The following XKR5 variants were observed in gnomAD, a reference collection of about 807,000 sequenced individuals.
XKR5 encodes XK related 5.
A neutral mutation model predicts 40.8 loss-of-function variants in XKR5; 46 were observed. That is an observed-to-expected ratio of 1.13 (90% CI 0.89 to 1.44). XKR5 has a LOEUF of 1.44. XKR5 is among the 40% of genes most tolerant of loss of function. The pLI is 0.00. For synonymous variants in XKR5, 466 were observed against 356.1 expected, an observed-to-expected ratio of 1.31 and a Z score of -3.48; for missense variants, 1,169 against 844.7, an observed-to-expected ratio of 1.38 and a Z score of -4.76.
intron 4 of XKR5, 105 bp downstream of exon 4, chr8:6,823,416 C>G: frequency 3.2e-6 from 4 of 1,244,906 alleles, no homozygotes; most frequent in Non-Finnish European, 4.6e-6. Flanking sequence ...CCCAGTCAGC[C>G]TTCAGGCCTG....
At position 6,821,892 on chromosome 8, in the gene XKR5, T is replaced by C; in HGVS notation, c.784A>G (p.Asn262Asp). Residue 262 changes from asparagine (N) to aspartate (D), a missense_variant, in exon 5 of 7, where the codon AAT (asparagine) becomes GAT (aspartate). Coordinates refer to ENST00000618742, the MANE Select transcript of XKR5 (RefSeq NM_207411.5). ...GCCATGTAGAACGTGACCATCCTAT[T>C]TCTAGAAGGGCTGTCCCAGAAGCTG... is the stretch of plus-strand genomic sequence containing the variant. ...YLSFWDSPSR[N>D]RMVTFYMVML... 6.2e-7 allele frequency: 1 copy of C among 1,613,396 alleles called. No homozygotes were observed. The highest frequency in any genetic ancestry group is 8.5e-7 in the Non-Finnish European group (1 of 1,179,696).
intron 5 of XKR5, among the ~76,000 whole-genome samples, chr8:6,816,996 C>T (rs1217368682): frequency 2.0e-5 from 3 of 152,166 alleles, no homozygotes; most frequent in African/African-American, 7.2e-5. Flanking sequence ...ATGCCTTGGC[C>T]AGCAGCCAGT....
chr8:6,822,046 G>T lies in XKR5; in HGVS notation c.638-8C>A, dbSNP rs1183755095. ...TCACCAGCCAGTGGGCACCTGCAGA[G>T]AAGCCGGGTGCAGACGTCAGGGTCC... On this transcript the variant is annotated splice_region_variant and splice_polypyrimidine_tract_variant and intron_variant, in intron 4 of 6. Transcript: ENST00000618742. 1 of 1,600,276 alleles carries T rather than the reference G, an allele frequency of 6.2e-7. No individual in the cohort carries two copies.
At chr8:6,826,601 A>G (rs997506035) in intron 2 of XKR5, among the ~76,000 whole-genome samples, 4 of 152,130 alleles carry the variant, frequency 2.6e-5, no homozygotes, top group Non-Finnish European at 4.4e-5. Context: ...CCAGGTGAGG[A>G]GTGCTGGATT....
Position 6,823,566 on chromosome 8 carries a change from C to CCAGACT in XKR5, c.586_591dup (p.Ser196_Leu197dup). 1 of 1,596,792 alleles carries CCAGACT rather than the reference C, an allele frequency of 6.3e-7. No individual in the cohort carries two copies. On this transcript the variant is annotated inframe_insertion, in exon 4 of 7. Coordinates refer to ENST00000618742, the MANE Select transcript of XKR5 (RefSeq NM_207411.5). ...AAGTGGTAGGCTTTGTAGAACAGAA[C>CCAGACT]CAGACTCAGCACGCGGGTTCCCAAC...
chr8:6,818,854 T>A (rs1487145288), intron 5 of XKR5, among the ~76,000 whole-genome samples: 1 of 152,184 alleles, frequency 6.6e-6, no homozygotes, highest in Non-Finnish European at 1.5e-5. Flanking sequence ...TGCCAGGCGG[T>A]GGCCTGTTGG....
At chr8:6,819,453 G>C (rs891701017) in intron 5 of XKR5, among the ~76,000 whole-genome samples, 2 of 152,228 alleles carry the variant, frequency 1.3e-5, no homozygotes, top group Non-Finnish European at 2.9e-5. Context: ...AGAGGCACTG[G>C]TTTCAGGTGC....
intron 5 of XKR5, among the ~76,000 whole-genome samples, chr8:6,819,777 T>C (rs1464543447): frequency 6.6e-6 from 1 of 152,188 alleles, no homozygotes; most frequent in African/African-American, 2.4e-5. Flanking sequence ...ATTTCACCTC[T>C]TTATGGTGAT....
chr8:6,828,190 T>C (rs954545947), intron 2 of XKR5, among the ~76,000 whole-genome samples: 9 of 152,112 alleles, frequency 5.9e-5, no homozygotes, highest in Non-Finnish European at 8.8e-5. Flanking sequence ...AGTATCAACA[T>C]GAGTGGCTTG....
At position 6,822,719 on chromosome 8, in the gene XKR5, G is replaced by A. The variant is rs112126802; in HGVS notation, c.638-681C>T. Among the ~76,000 whole-genome samples, 421 of 152,282 alleles carry A rather than the reference G, an allele frequency of 2.8e-3. 1 individual carries two copies. Among genetic ancestry groups the A allele is most frequent in the Non-Finnish European group, 3.9e-3 (262 of 68,020 alleles). On this transcript the variant is annotated intron_variant, in intron 4 of 6. Transcript: ENST00000618742. ...TGACCAGAGATGACAGCTCTCCTCG[G>A]CAGGGACACACAGGCCCTATTCAGG...
At chr8:6,828,929 C>T (rs895339860) in intron 2 of XKR5, among the ~76,000 whole-genome samples, 1 of 152,172 alleles carries the variant, frequency 6.6e-6, no homozygotes, top group Non-Finnish European at 1.5e-5. Context: ...TCTCAAGAAC[C>T]TCATCCTAAT....
intron 5 of XKR5, among the ~76,000 whole-genome samples, chr8:6,817,374 G>A (rs1436039916): frequency 6.6e-6 from 1 of 151,928 alleles, no homozygotes; most frequent in Non-Finnish European, 1.5e-5. Context: ...CTTCCCAAAC[G>A]ACATTCCACT....
Position 6,825,258 on chromosome 8 carries a change from G to A in XKR5, c.334C>T (p.Leu112Phe), listed in dbSNP as rs1033032051. The A allele has an allele frequency of 6.2e-7, 1 of 1,612,300 alleles. No individual in the cohort carries two copies. Among genetic ancestry groups the A allele is most frequent in the Non-Finnish European group, 8.5e-7 (1 of 1,179,368 alleles). ...LQLQEADLSA[L>F]RLLEALLQTG... is the part of the protein sequence containing the mutation. The stretch of plus-strand genomic sequence containing the variant: ...TGCAGCAGGGCCTCCAAGAGTCGAA[G>A]GGCCGACAGGTCGGCCTCCTGCAGC... The change falls in exon 3 of 7, where the codon CTT (leucine) becomes TTT (phenylalanine). Residue 112 changes from leucine to phenylalanine, a missense_variant. Physicochemically the swap from Leu to Phe is conservative, Grantham distance 22 (BLOSUM62 0). Transcript: ENST00000618742.
intron 2 of XKR5, among the ~76,000 whole-genome samples, chr8:6,830,705 T>A (rs180942550): frequency 7.9e-5 from 12 of 152,358 alleles, no homozygotes; most frequent in African/African-American, 2.9e-4. Context: ...TAAATATATA[T>A]GACTAATGGT....
intron 1 of XKR5, among the ~76,000 whole-genome samples, chr8:6,834,365 C>G (rs913389821): frequency 1.3e-5 from 2 of 152,240 alleles, no homozygotes; most frequent in Non-Finnish European, 2.9e-5. Flanking sequence ...AGCGCCCAGG[C>G]TGGGTCCGGC....
chr8:6,820,110 C>T (rs1176921146), intron 5 of XKR5, among the ~76,000 whole-genome samples: 2 of 152,226 alleles, frequency 1.3e-5, no homozygotes, highest in Admixed American at 6.5e-5. Context: ...TCATACAGTT[C>T]AGAACCGAAG....
In XKR5 at chr8:6,822,642, A is replaced by G. The variant is rs185718747; in HGVS notation, c.638-604T>C. Among the ~76,000 whole-genome samples, 8 of 152,356 alleles carry G rather than the reference A, an allele frequency of 5.3e-5. No individual in the cohort carries two copies. In the East Asian group the frequency reaches 7.7e-4, roughly 15 times the overall value. The stretch of plus-strand genomic sequence containing the variant: ...GGGCAAATATTTCTTAATGTCTCCA[A>G]TTCTCTTAAAACAAGAGTAAACTGT... On this transcript the variant is annotated intron_variant, in intron 4 of 6. Transcript: ENST00000618742.
intron 3 of XKR5, 54 bp from the exon 4 acceptor site, chr8:6,823,784 A>ATCCATTCAGCAGAGAGCCCAGTCAG: frequency 7.0e-7 from 1 of 1,427,972 alleles, no homozygotes. Flanking sequence ...AAGTAACAGT[A>ATCCATTCAGCAGAGAGCCCAGTCAG]CCTTGTGAAG....
At chr8:6,825,675 C>T (rs1452111800) in intron 2 of XKR5, among the ~76,000 whole-genome samples, 1 of 152,094 alleles carries the variant, frequency 6.6e-6, no homozygotes, top group Non-Finnish European at 1.5e-5. Context: ...TCGGCAATCA[C>T]CCCGACCTGA....
Sources: gnomAD v4.1 joint callset for allele counts (sites outside exome capture counted in the v4.1 genomes callset) on GRCh38, gnomAD v4.1.1 for gene constraint, MANE v1.5 for transcripts, NCBI Gene and HGNC (gene_info 2026-07-23, HGNC 2026-07-21) for gene names.